STAB2: variants seen among roughly 807,000 people sequenced by gnomAD.
The protein encoded by STAB2 is stabilin 2, also known as stabilin-2.
STAB2 carries 288 observed loss-of-function variants against 338.1 expected under a neutral mutation model. That is an observed-to-expected ratio of 0.85 (90% CI 0.77 to 0.94). The LOEUF (loss-of-function observed/expected upper bound fraction) is 0.94. Ranked by LOEUF, STAB2 falls within the 40% of genes least tolerant of loss-of-function variation. STAB2 has a pLI of 0.00. For missense variants in STAB2, 3,141 were observed against 3,210.1 expected, an observed-to-expected ratio of 0.98 and a Z score of 0.52; for synonymous variants, 1,202 against 1,193.3, an observed-to-expected ratio of 1.01 and a Z score of -0.15.
At chr12:103,681,613 C>CTTTTTTT (rs907234037) in intron 25 of STAB2, among the ~76,000 whole-genome samples, 3 of 92,948 alleles carry the variant, frequency 3.2e-5, no homozygotes, top group Non-Finnish European at 6.4e-5. Context: ...TTCCCCCCTA[C>CTTTTTTT]TTTTTTTTTT....
At chr12:103,754,630 G>A (rs1468829614) in intron 61 of STAB2, among the ~76,000 whole-genome samples, 3 of 152,026 alleles carry the variant, frequency 2.0e-5, no homozygotes, top group African/African-American at 7.2e-5. Flanking sequence ...ATAACGATGA[G>A]AGCAATGATG....
chr12:103,589,682 G>T (rs1369882901), intron 1 of STAB2, among the ~76,000 whole-genome samples: 1 of 152,224 alleles, frequency 6.6e-6, no homozygotes, highest in Non-Finnish European at 1.5e-5. Context: ...AATGAATGTG[G>T]TTTTGTGAAA....
intron 28 of STAB2, 132 bp from the exon 29 acceptor site, chr12:103,689,714 T>C: frequency 2.7e-6 from 3 of 1,102,822 alleles, no homozygotes; most frequent in Non-Finnish European, 3.8e-6. Flanking sequence ...GTGGGTGGGG[T>C]GGATTTGGGA....
At chr12:103,747,832 T>A (rs1032339406) in intron 58 of STAB2, among the ~76,000 whole-genome samples, 1 of 151,950 alleles carries the variant, frequency 6.6e-6, no homozygotes, top group African/African-American at 2.4e-5. Context: ...CCATCTCTAC[T>A]AAATCTACAA....
At chr12:103,664,482 T>A (rs371840153) in intron 18 of STAB2, among the ~76,000 whole-genome samples, 1 of 152,220 alleles carries the variant, frequency 6.6e-6, no homozygotes, top group Non-Finnish European at 1.5e-5. Context: ...GAAATTCCAA[T>A]ACTGCTGTAC....
chr12:103,602,022 C>G (rs1318563395), intron 3 of STAB2, among the ~76,000 whole-genome samples: 2 of 152,168 alleles, frequency 1.3e-5, no homozygotes, highest in African/African-American at 4.8e-5. Flanking sequence ...AAGTATACAG[C>G]TATTCAAGCT....
intron 31 of STAB2, among the ~76,000 whole-genome samples, chr12:103,694,943 A>G (rs1188530717): frequency 1.3e-5 from 2 of 152,114 alleles, no homozygotes; most frequent in Non-Finnish European, 2.9e-5. Flanking sequence ...CTATAATGAA[A>G]GTGGCTGCTG....
intron 68 of STAB2, 50 bp from the exon 69 acceptor site, chr12:103,766,236 G>GGACTCAACAC: frequency 6.2e-7 from 1 of 1,611,982 alleles, no homozygotes; most frequent in Non-Finnish European, 8.5e-7. Context: ...GATTCAACTA[G>GGACTCAACAC]GACTCAACAC....
At chr12:103,745,943 G>C (rs1177604358) in intron 57 of STAB2, among the ~76,000 whole-genome samples, 1 of 152,200 alleles carries the variant, frequency 6.6e-6, no homozygotes, top group Non-Finnish European at 1.5e-5. Flanking sequence ...TGTTCTGGTA[G>C]ATCTGAAATG....
chr12:103,696,776 G>A (rs2138936844), intron 33 of STAB2, among the ~76,000 whole-genome samples: 1 of 152,238 alleles, frequency 6.6e-6, no homozygotes, highest in South Asian at 2.1e-4. Context: ...GAGGAGAGGA[G>A]GGGTGATCAT....
At chr12:103,727,175 A>G in intron 46 of STAB2, 92 bp from the exon 47 acceptor site, 1 of 1,340,602 alleles carries the variant, frequency 7.5e-7, no homozygotes, top group Middle Eastern at 1.8e-4. Context: ...TCTTTGCTTC[A>G]CCCAGGTGCC....
At chr12:103,763,454 G>C (rs1350152378) in intron 67 of STAB2, 38 bp from the exon 68 acceptor site, 1 of 1,597,034 alleles carries the variant, frequency 6.3e-7, no homozygotes, top group South Asian at 1.1e-5. Flanking sequence ...TCCTGCTTTG[G>C]GGATGCTCCT....
chr12:103,744,443 C>T (rs1309090040), intron 56 of STAB2, among the ~76,000 whole-genome samples: 3 of 149,348 alleles, frequency 2.0e-5, no homozygotes, highest in Non-Finnish European at 4.4e-5. Flanking sequence ...TGATCCACTG[C>T]ACCTGGCCAC....
In STAB2 at chr12:103,695,730, A is replaced by T; in HGVS notation, c.3475-7A>T. On this transcript the variant is annotated splice_region_variant and splice_polypyrimidine_tract_variant and intron_variant, in intron 32 of 68. Coordinates refer to ENST00000388887, the MANE Select transcript of STAB2 (RefSeq NM_017564.10). ...CCCTCATGCACTCTTGTCTCTTTCCATCGCAGCAATATAATCTGGCGAATG... is the reference window on the plus strand; with the variant it reads ...CCCTCATGCACTCTTGTCTCTTTCCTTCGCAGCAATATAATCTGGCGAATG... 1 of 1,614,172 alleles carries T rather than the reference A, an allele frequency of 6.2e-7. No individual in the cohort carries two copies. The highest frequency in any genetic ancestry group is 8.5e-7 in the Non-Finnish European group (1 of 1,180,018).
chr12:103,714,313 T>G (rs75436480), intron 42 of STAB2, among the ~76,000 whole-genome samples: 1,860 of 152,330 alleles, frequency 0.012, 44 homozygotes, highest in African/African-American at 0.043. Flanking sequence ...GTTGTCTGAA[T>G]TTAACTGTTT....
At chr12:103,742,686 G>T in intron 56 of STAB2, 132 bp downstream of exon 56, 3 of 1,411,616 alleles carry the variant, frequency 2.1e-6, no homozygotes, top group Non-Finnish European at 9.6e-7. Context: ...CAATCTGCCT[G>T]CCCTATGTGT....
intron 68 of STAB2, 126 bp from the exon 69 acceptor site, chr12:103,766,160 C>T (rs778941357): frequency 5.6e-5 from 72 of 1,296,810 alleles, no homozygotes; most frequent in Admixed American, 9.1e-5. Flanking sequence ...CAAACAAACA[C>T]GCCCAGCACA....
chr12:103,704,341 T>G (rs759497236), intron 35 of STAB2, among the ~76,000 whole-genome samples: 1 of 152,158 alleles, frequency 6.6e-6, no homozygotes, highest in Non-Finnish European at 1.5e-5. Flanking sequence ...AGGTCACACT[T>G]TAAAGAGTTA....
intron 11 of STAB2, 46 bp downstream of exon 11, chr12:103,650,624 C>A (rs1352716045): frequency 1.3e-6 from 2 of 1,504,440 alleles, no homozygotes; most frequent in Admixed American, 3.5e-5. Flanking sequence ...ATATGAAAAG[C>A]CTTAGTAGGG....
Sources: gnomAD v4.1 joint callset for allele counts (sites outside exome capture counted in the v4.1 genomes callset) on GRCh38, gnomAD v4.1.1 for gene constraint, MANE v1.5 for transcripts, NCBI Gene and HGNC (gene_info 2026-07-23, HGNC 2026-07-21) for gene names.